MORN1: variants seen among roughly 807,000 people sequenced by gnomAD.
MORN1 encodes the protein MORN repeat-containing protein 1.
A neutral mutation model predicts 61.9 loss-of-function variants in MORN1; 67 were observed. The observed-to-expected ratio is 1.08, with a 90% CI of 0.89 to 1.33. MORN1 has a LOEUF of 1.33. Ranked by LOEUF, MORN1 falls within the 40% of genes most tolerant of loss-of-function variation. MORN1 has a pLI of 0.00. For missense variants in MORN1, 752 were observed against 691.2 expected, an observed-to-expected ratio of 1.09 and a Z score of -0.99; for synonymous variants, 301 against 292.0, an observed-to-expected ratio of 1.03 and a Z score of -0.31.
Position 2,373,631 on chromosome 1 carries a change from G to T in MORN1, c.634+830C>A, listed in dbSNP as rs140417060. ...GAGAAGCACCTGGGCCGGGACCCAGGCTCGGCCTCCATCCCAGGATCCCCT... is the reference window on the plus strand; with the variant it reads ...GAGAAGCACCTGGGCCGGGACCCAGTCTCGGCCTCCATCCCAGGATCCCCT... On this transcript the variant is annotated intron_variant, in intron 7 of 13. Transcript: ENST00000378531. Among the ~76,000 whole-genome samples the T allele has an allele frequency of 1.3e-3, 205 of 152,294 alleles. No homozygotes were observed. The Middle Eastern group carries it at 0.014, about 10-fold the overall frequency.
chr1:2,341,422 G>A (rs540748375), intron 10 of MORN1, among the ~76,000 whole-genome samples: 3 of 152,310 alleles, frequency 2.0e-5, no homozygotes, highest in Admixed American at 6.5e-5. Flanking sequence ...GGGGCCGGGC[G>A]TGGTGGCTCA....
chr1:2,382,195 C>T (rs1642387472), intron 6 of MORN1, among the ~76,000 whole-genome samples: 1 of 152,138 alleles, frequency 6.6e-6, no homozygotes, highest in Non-Finnish European at 1.5e-5. Flanking sequence ...AGGGGATGGC[C>T]CTGTCTGGCA....
intron 13 of MORN1, chr1:2,323,703 G>T: frequency 3.0e-6 from 3 of 985,300 alleles, no homozygotes; most frequent in Non-Finnish European, 3.6e-6. Flanking sequence ...GGCCCACCAA[G>T]CCCTGCAGCC....
chr1:2,364,170 G>A (rs886891742), intron 8 of MORN1, among the ~76,000 whole-genome samples: 1 of 152,166 alleles, frequency 6.6e-6, no homozygotes, highest in Non-Finnish European at 1.5e-5. Context: ...ATCACAGAAA[G>A]TAGATGTAAG....
chr1:2,355,550 A>G, intron 10 of MORN1: 1 of 1,459,972 alleles, frequency 6.8e-7, no homozygotes, highest in South Asian at 1.2e-5. Context: ...GGGCACGGGC[A>G]TGGAGGTGGC....
rs769251672 is a variant in MORN1, at chr1:2,357,566, C to T, written c.902G>A (p.Ser301Asn). The T allele has an allele frequency of 1.2e-6, 2 of 1,610,758 alleles. No homozygotes were observed. The highest frequency in any genetic ancestry group is 1.7e-6 in the Non-Finnish European group (2 of 1,178,532). The change falls in exon 10 of 14, where the codon AGC (serine) becomes AAC (asparagine). Residue 301 changes from serine to asparagine, a missense_variant. By Grantham distance (46) the Ser-to-Asn change is conservative. Transcript: ENST00000378531. This position sits in a 1 kb window ranked among gnomAD's most constrained non-coding sequence, Gnocchi z 6.3. Reference protein sequence around the residue: ...GFECIPYPVSSPAAGVPGPRA... With the variant: ...GFECIPYPVSNPAAGVPGPRA... ...GGGCCCCGGCACCCCAGCTGCGGGG[C>T]TGGACACAGGATAAGGGATGCATTC...
chr1:2,385,161 G>C (rs1557894100), intron 5 of MORN1, 96 bp from the exon 6 acceptor site: 2 of 1,319,716 alleles, frequency 1.5e-6, no homozygotes. Flanking sequence ...CGCAGGCACT[G>C]CGGGACCGAG....
At chr1:2,323,766 C>G in intron 13 of MORN1, 1 of 985,352 alleles carries the variant, frequency 1.0e-6, no homozygotes. Context: ...GCCTTGACAG[C>G]TCCCCTCGGC....
chr1:2,335,587 G>T (rs552924362), intron 12 of MORN1, among the ~76,000 whole-genome samples: 65 of 152,298 alleles, frequency 4.3e-4, no homozygotes, highest in African/African-American at 1.4e-3. Context: ...TCAAGAGCAG[G>T]TGATTTTTCC....
intron 6 of MORN1, among the ~76,000 whole-genome samples, chr1:2,384,086 A>G (rs1642432970): frequency 6.6e-6 from 1 of 151,968 alleles, no homozygotes; most frequent in African/African-American, 2.4e-5. Flanking sequence ...CATTGGAGTG[A>G]TGGGTGTGGT....
chr1:2,355,281 C>G, intron 10 of MORN1: 7 of 1,434,324 alleles, frequency 4.9e-6, no homozygotes, highest in Non-Finnish European at 6.4e-6. Flanking sequence ...CGGGCCGGGC[C>G]CCCCGTGGGC....
intron 8 of MORN1, among the ~76,000 whole-genome samples, chr1:2,369,974 A>C (rs1045882222): frequency 1.3e-5 from 2 of 152,242 alleles, no homozygotes; most frequent in Non-Finnish European, 2.9e-5. Flanking sequence ...TTGTTGTTGC[A>C]GAAGTTGGCA....
chr1:2,341,937 G>A (rs1211151570), intron 10 of MORN1, among the ~76,000 whole-genome samples: 1 of 152,214 alleles, frequency 6.6e-6, no homozygotes, highest in Non-Finnish European at 1.5e-5. Context: ...GGGCTCCACG[G>A]GCCCCAGAGG....
chr1:2,322,374 C>T (rs1640901668), intron 13 of MORN1: 5 of 985,288 alleles, frequency 5.1e-6, no homozygotes, highest in African/African-American at 1.7e-5. Flanking sequence ...GGGCAGGAGT[C>T]GGCTCACACC....
In MORN1 at chr1:2,388,253, T is replaced by G. The variant is rs1212397069; in HGVS notation, c.233A>C (p.His78Pro). Reference protein sequence around the residue: ...DGEITGEGRRHWAWSGDTFSG... With the variant: ...DGEITGEGRRPWAWSGDTFSG... ...CTAGAGCTCACCTGACCAGGCCCAG[T>G]GCCGGCGGCCTTCTCCCGTGATCTC... The change falls in exon 3 of 14, where the codon CAC becomes CCC. Residue 78 changes from histidine to proline, a missense_variant. Physicochemically the swap from His to Pro is moderately conservative, Grantham distance 77 (BLOSUM62 -2). Transcript: ENST00000378531. The G allele has an allele frequency of 6.2e-7, 1 of 1,613,794 alleles. No individual in the cohort carries two copies. The highest frequency in any genetic ancestry group is 1.1e-5 in the South Asian group (1 of 91,080).
In MORN1 at chr1:2,321,899, C is replaced by T. The variant is rs564161445; in HGVS notation, c.1298-320G>A. On this transcript the variant is annotated intron_variant, in intron 13 of 13. Transcript: ENST00000378531. ...ATGGACACGACCCTCGCATGGTGGCCGCTCTCAAGCCCCCACTGCTGACCT... is the reference window on the plus strand; with the variant it reads ...ATGGACACGACCCTCGCATGGTGGCTGCTCTCAAGCCCCCACTGCTGACCT... 771 of 563,262 alleles carry T rather than the reference C, an allele frequency of 1.4e-3. 3 individuals carry two copies. Among genetic ancestry groups the T allele is most frequent in the South Asian group, 2.9e-3 (38 of 13,036 alleles). The allele number at this position is 563,262 out of a possible 1,614,324, so 34.9% of individuals were successfully genotyped here.
At chr1:2,338,628 C>T (rs927665954) in intron 10 of MORN1, among the ~76,000 whole-genome samples, 3 of 152,208 alleles carry the variant, frequency 2.0e-5, no homozygotes, top group Admixed American at 6.5e-5. Context: ...CCACCTGCCA[C>T]GTGCCATTTG....
In MORN1 at chr1:2,391,548, T is replaced by A; in HGVS notation, c.-15A>T. ...GCCGCTGCCATCTTGCCGCCGAGGG[T>A]TCTCTTAGCGACCAGCAACGCCCGC... On this transcript the variant is annotated 5_prime_UTR_variant, in exon 1 of 14. Transcript: ENST00000378531. The A allele has an allele frequency of 8.0e-7, 1 of 1,246,368 alleles. No individual in the cohort carries two copies. Among genetic ancestry groups the A allele is most frequent in the African/African-American group, 1.6e-5 (1 of 64,448 alleles). 77.2% of individuals were successfully genotyped at this position (1,246,368 alleles called of 1,614,324 possible).
intron 10 of MORN1, among the ~76,000 whole-genome samples, chr1:2,353,444 C>T (rs1641693281): frequency 6.6e-6 from 1 of 152,184 alleles, no homozygotes; most frequent in South Asian, 2.1e-4. Flanking sequence ...GCAGGGGTTG[C>T]TGACTGAGAG....
Sources: gnomAD v4.1 joint callset for allele counts (sites outside exome capture counted in the v4.1 genomes callset) on GRCh38, gnomAD v4.1.1 for gene constraint, Gnocchi (gnomAD v3.1) non-coding constraint, MANE v1.5 for transcripts, NCBI Gene and HGNC (gene_info 2026-07-23, HGNC 2026-07-21) for gene names.